PLCD1: variants seen among roughly 807,000 people sequenced by gnomAD.
The protein encoded by PLCD1 is phospholipase C delta 1, also known as 1-phosphatidylinositol 4,5-bisphosphate phosphodiesterase delta-1.
In PLCD1, 71 loss-of-function variants were observed where a neutral mutation model predicts 87.4. The observed-to-expected ratio is 0.81, with a 90% CI of 0.67 to 0.99. PLCD1 has a LOEUF of 0.99. Among genes scored for constraint, PLCD1 ranks in the 50% least tolerant of loss-of-function variants. The pLI, the probability that PLCD1 is intolerant of heterozygous loss-of-function variation, is 0.00. For missense variants in PLCD1, 867 were observed against 1,001.5 expected, an observed-to-expected ratio of 0.87 and a Z score of 1.81; for synonymous variants, 348 against 399.2, an observed-to-expected ratio of 0.87 and a Z score of 1.53.
Position 38,009,733 on chromosome 3 carries a change from CCT to C in PLCD1, c.1364_1365del (p.Glu455GlyfsTer12). 6.2e-7 allele frequency: 1 copy of C among 1,614,150 alleles called. No homozygotes were observed. Among genetic ancestry groups the C allele is most frequent in the Non-Finnish European group, 8.5e-7 (1 of 1,180,004 alleles). ...TCGTCTTCGTCTGACACCACAGTGG[CCT>C]CAGGGCCACCCTCCCCTCCAGGGGG... ...LLPPGGEGGP[E>X]ATVVSDEDEA... On this transcript the variant is annotated frameshift_variant, in exon 9 of 15. Coordinates refer to ENST00000334661, the MANE Select transcript of PLCD1 (RefSeq NM_006225.4). LOFTEE classifies it high-confidence loss of function.
At chr3:38,020,408 A>T in intron 1 of PLCD1, 56 bp from the exon 2 acceptor site, 1 of 1,544,786 alleles carries the variant, frequency 6.5e-7, no homozygotes, top group Admixed American at 1.7e-5. Context: ...CTGATGCCCT[A>T]GGCCTCACAC....
intron 9 of PLCD1, 101 bp downstream of exon 9, chr3:38,009,552 G>A (rs536240700): frequency 2.6e-6 from 4 of 1,555,280 alleles, no homozygotes; most frequent in Non-Finnish European, 3.5e-6. Context: ...GGGGCAGAGG[G>A]TCTGAGTGGC....
rs1699998301 is a variant in PLCD1, at chr3:38,008,228, C to T, written c.2035+7G>A. The T allele has an allele frequency of 6.2e-7, 1 of 1,613,892 alleles. No homozygotes were observed. The highest frequency in any genetic ancestry group is 1.7e-5 in the Admixed American group (1 of 60,012). On this transcript the variant is annotated splice_region_variant and intron_variant, in intron 13 of 14. Coordinates refer to ENST00000334661, the MANE Select transcript of PLCD1 (RefSeq NM_006225.4). ...CCCTAGTAGCCCAGCCCAGGCCCAGCACCTACCATTGTTGGTGATGACAGC... is the reference window on the plus strand; with the variant it reads ...CCCTAGTAGCCCAGCCCAGGCCCAGTACCTACCATTGTTGGTGATGACAGC...
rs1476140799 is a variant in PLCD1 at position 38,024,565 on chromosome 3, G to A, written c.35-4213C>T. On this transcript the variant is annotated intron_variant, in intron 1 of 14. Coordinates refer to ENST00000334661, the MANE Select transcript of PLCD1 (RefSeq NM_006225.4). ...TCGCCCTTGGAGGGGAGCAGGGGCG[G>A]AGTCCAGGAATGGGAGGGAGGAGCT... 2.0e-6 allele frequency: 3 copies of A among 1,508,908 alleles called. No individual in the cohort carries two copies. The Admixed American group carries it at 6.0e-5, about 30-fold the overall frequency. 93.5% of individuals were successfully genotyped at this position (1,508,908 alleles called of 1,614,324 possible).
In PLCD1 at chr3:38,017,103, G is replaced by C. The variant is rs1183271281; in HGVS notation, c.200-384C>G. ...AGGGAGAGGACTGGAGCAGGGCAAG[G>C]CTCTTAGAGATGCGGACAGACCACT... On this transcript the variant is annotated intron_variant, in intron 2 of 14. Transcript: ENST00000334661. The surrounding 1 kb of genome is among the most constrained non-coding windows in gnomAD (Gnocchi z 4.7). 1.3e-5 allele frequency among the ~76,000 whole-genome samples: 2 copies of C among 152,088 alleles called. No individual in the cohort carries two copies. Among genetic ancestry groups the C allele is most frequent in the African/African-American group, 2.4e-5 (1 of 41,392 alleles).
rs746817196 is a variant in PLCD1 at position 38,008,173 on chromosome 3, C to A, written c.2036-10G>T. 1 of 1,613,672 alleles carries A rather than the reference C, an allele frequency of 6.2e-7. No individual in the cohort carries two copies. Among genetic ancestry groups the A allele is most frequent in the Non-Finnish European group, 8.5e-7 (1 of 1,180,042 alleles). On this transcript the variant is annotated splice_polypyrimidine_tract_variant and intron_variant, in intron 13 of 14. Transcript: ENST00000334661. ...CACCATGGGTTGAAACCTAGGGGGA[C>A]AGGCACCATATCAGCAGCATGGACA...
At chr3:38,007,970 C>A (rs745781970) in intron 14 of PLCD1, 44 bp downstream of exon 14, 3 of 1,613,590 alleles carry the variant, frequency 1.9e-6, no homozygotes, top group Non-Finnish European at 2.5e-6. Flanking sequence ...GACGCCAGGC[C>A]CTGCTTCCCA....
intron 1 of PLCD1, chr3:38,024,550 A>T: frequency 6.6e-7 from 1 of 1,508,132 alleles, no homozygotes; most frequent in African/African-American, 1.4e-5. Flanking sequence ...TCGCCCTTGG[A>T]GGGGAGCAGG....
intron 1 of PLCD1, among the ~76,000 whole-genome samples, chr3:38,021,670 C>T (rs1700235885): frequency 6.6e-6 from 1 of 152,196 alleles, no homozygotes; most frequent in Non-Finnish European, 1.5e-5. Context: ...GAGAGCCAAT[C>T]GGCCACTTCA....
At position 38,017,014 on chromosome 3, in the gene PLCD1, T is replaced by C. The variant is rs1347633617; in HGVS notation, c.200-295A>G. The stretch of plus-strand genomic sequence containing the variant: ...CAGAGAGTGAGAGAAAGACAGACTT[T>C]AGGGCGGAAAAGGCACCTGGGACCC... On this transcript the variant is annotated intron_variant, in intron 2 of 14. Transcript: ENST00000334661. This position sits in a 1 kb window ranked among gnomAD's most constrained non-coding sequence, Gnocchi z 4.7. Among the ~76,000 whole-genome samples the C allele has an allele frequency of 6.7e-6, 1 of 149,468 alleles. No homozygotes were observed. The highest frequency in any genetic ancestry group is 2.5e-5 in the African/African-American group (1 of 40,414).
At chr3:38,021,678 T>G (rs1453475747) in intron 1 of PLCD1, among the ~76,000 whole-genome samples, 2 of 152,322 alleles carry the variant, frequency 1.3e-5, no homozygotes, top group East Asian at 3.9e-4. Flanking sequence ...ATCGGCCACT[T>G]CACTTCTCTC....
At chr3:38,020,961 C>G (rs2125549866) in intron 1 of PLCD1, among the ~76,000 whole-genome samples, 1 of 152,312 alleles carries the variant, frequency 6.6e-6, no homozygotes, top group Middle Eastern at 3.4e-3. Context: ...GCTGCTGGGC[C>G]TCTGCTTTCC....
At chr3:38,008,794 AC>A in intron 11 of PLCD1, 158 bp from the exon 12 acceptor site, 1 of 708,540 alleles carries the variant, frequency 1.4e-6, no homozygotes, top group Non-Finnish European at 2.5e-6. Context: ...TCAGTGACCC[AC>A]CATGCTAACC....
intron 3 of PLCD1, among the ~76,000 whole-genome samples, chr3:38,015,764 G>A (rs540637746): frequency 6.6e-6 from 1 of 152,290 alleles, no homozygotes; most frequent in African/African-American, 2.4e-5. Flanking sequence ...CAGGCCCAGG[G>A]GAACTTGATC....
At chr3:38,024,832 C>A (rs1700289699) in intron 1 of PLCD1, 1 of 914,612 alleles carries the variant, frequency 1.1e-6, no homozygotes, top group Non-Finnish European at 1.5e-6. Flanking sequence ...AAGGCTGGGC[C>A]ATCCAAGAGG....
In PLCD1 at chr3:38,011,213, C is replaced by T. The variant is rs1700069051; in HGVS notation, c.790+1G>A. 6.2e-7 allele frequency: 1 copy of T among 1,605,822 alleles called. No individual in the cohort carries two copies. Among genetic ancestry groups the T allele is most frequent in the African/African-American group, 1.3e-5 (1 of 74,830 alleles). On this transcript the variant is annotated splice_donor_variant, in intron 5 of 14. Coordinates refer to ENST00000334661, the MANE Select transcript of PLCD1 (RefSeq NM_006225.4). LOFTEE classifies it high-confidence loss of function. Reference sequence around the variant, plus strand: ...GTAGCAGGCCCTGGTCAGGCTCTCACCAGTCTCGCTGGGCTCGTAGCGCTC... The same window carrying T: ...GTAGCAGGCCCTGGTCAGGCTCTCATCAGTCTCGCTGGGCTCGTAGCGCTC...
intron 3 of PLCD1, among the ~76,000 whole-genome samples, chr3:38,012,462 C>T (rs73060843): frequency 0.063 from 9,564 of 151,790 alleles, 350 homozygotes; most frequent in African/African-American, 0.094. Context: ...TATTCTTTTC[C>T]ACATCTATAC....
rs1410008704 is a variant in PLCD1 at position 38,018,840 on chromosome 3, T to C, written c.199+1348A>G. 2 of 152,012 alleles carry C rather than the reference T, an allele frequency of 1.3e-5. No homozygotes were observed. The highest frequency in any genetic ancestry group is 6.6e-5 in the Admixed American group (1 of 15,238). 9.4% of individuals were successfully genotyped at this position (152,012 alleles called of 1,614,324 possible). On this transcript the variant is annotated intron_variant, in intron 2 of 14. Transcript: ENST00000334661. The surrounding 1 kb of genome is among the most constrained non-coding windows in gnomAD (Gnocchi z 5.7). ...GGCAGCAGGCTGAGCTGGGGCTCCGTGTGGTTTCCTCAGAATGTTCTGGAG... is the reference window on the plus strand; with the variant it reads ...GGCAGCAGGCTGAGCTGGGGCTCCGCGTGGTTTCCTCAGAATGTTCTGGAG...
Position 38,010,388 on chromosome 3 carries a change from C to T in PLCD1, c.965G>A (p.Gly322Glu). 2 of 1,614,238 alleles carry T rather than the reference C, an allele frequency of 1.2e-6. No individual in the cohort carries two copies. The highest frequency in any genetic ancestry group is 1.7e-6 in the Non-Finnish European group (2 of 1,180,038). Residue 322 changes from glycine (G) to glutamate (E), a missense_variant, in exon 6 of 15, where the codon GGG (glycine) becomes GAG (glutamate). Gly to Glu is a moderately conservative substitution (Grantham distance 98, BLOSUM62 -2). Transcript: ENST00000334661. ...GATGTAGGCTTCAGTGCTGCTGGGC[C>T]CGGCTAGCTGGTCCTCCAGCAGGTA... ...NTYLLEDQLA[G>E]PSSTEAYIRA...
Sources: allele counts gnomAD v4.1 joint callset (sites outside exome capture counted in the v4.1 genomes callset), GRCh38; gene constraint gnomAD v4.1.1; non-coding constraint Gnocchi (gnomAD v3.1); transcripts MANE v1.5; gene names NCBI Gene and HGNC (gene_info 2026-07-23, HGNC 2026-07-21).